ZNF571: variants seen among roughly 807,000 people sequenced by gnomAD.
ZNF571 encodes the protein zinc finger protein 571.
ZNF571 carries 4 observed loss-of-function variants against 7.7 expected under a neutral mutation model. That is an observed-to-expected ratio of 0.52 (90% confidence interval 0.25 to 1.18). The LOEUF (loss-of-function observed/expected upper bound fraction) is 1.18, where lower values mean the gene tolerates loss of function less well. Among genes scored for constraint, ZNF571 ranks in the 50% most tolerant of loss-of-function variants. ZNF571 has a pLI of 0.14. For missense variants in ZNF571, 704 were observed against 726.9 expected, an observed-to-expected ratio of 0.97 and a Z score of 0.36; for synonymous variants, 251 against 232.4, an observed-to-expected ratio of 1.08 and a Z score of -0.73.
chr19:37,593,571 C>A (rs1157725901), intron 1 of ZNF571, among the ~76,000 whole-genome samples: 1 of 152,022 alleles, frequency 6.6e-6, no homozygotes, highest in East Asian at 1.9e-4. Flanking sequence ...GGCATGGTGG[C>A]GGGCGCCTGT....
Position 37,565,507 on chromosome 19 carries a change from A to T in ZNF571, c.921T>A (p.Tyr307Ter). The T allele has an allele frequency of 1.9e-6, 3 of 1,613,828 alleles. No individual in the cohort carries two copies. Among genetic ancestry groups the T allele is most frequent in the Non-Finnish European group, 2.5e-6 (3 of 1,179,876 alleles). ...HQRIHSGEKP[Y>*]ECKECGKAFI... ...AGGCCTTTCCACATTCCTTACACTC[A>T]TAAGGTTTCTCACCACTATGAATTC... Residue 307 changes from tyrosine to a stop codon, truncating the protein, a stop_gained, in exon 4 of 4, where the codon TAT (tyrosine) becomes TAA (stop). Coordinates refer to ENST00000451802, the MANE Select transcript of ZNF571 (RefSeq NM_016536.5). LOFTEE classifies it low-confidence loss of function (END_TRUNC).
At position 37,564,562 on chromosome 19, in the gene ZNF571, A is replaced by G; in HGVS notation, c.*36T>C. On this transcript the variant is annotated 3_prime_UTR_variant, in exon 4 of 4. Coordinates refer to ENST00000451802, the MANE Select transcript of ZNF571 (RefSeq NM_016536.5). Reference sequence around the variant, plus strand: ...ATTCATTATAGATATGAAATAGATGAAGATTTTCTTAAATTTAATCACATT... The same window carrying G: ...ATTCATTATAGATATGAAATAGATGGAGATTTTCTTAAATTTAATCACATT... 1.4e-6 allele frequency: 2 copies of G among 1,454,194 alleles called. No homozygotes were observed. Among genetic ancestry groups the G allele is most frequent in the South Asian group, 3.4e-5 (2 of 59,222 alleles). 90.1% of individuals were successfully genotyped at this position (1,454,194 alleles called of 1,614,324 possible).
intron 1 of ZNF571, among the ~76,000 whole-genome samples, chr19:37,591,248 C>T (rs998553274): frequency 5.9e-5 from 9 of 152,100 alleles, no homozygotes; most frequent in African/African-American, 1.9e-4. Flanking sequence ...AGGGCTGGCA[C>T]AGGAAATGTA....
intron 2 of ZNF571, among the ~76,000 whole-genome samples, chr19:37,584,452 G>GT (rs2043590087): frequency 1.3e-5 from 2 of 152,152 alleles, no homozygotes; most frequent in South Asian, 4.1e-4. Flanking sequence ...ATTAATACAA[G>GT]TTCTTGCTCT....
chr19:37,577,647 G>A (rs2043288848), intron 3 of ZNF571, among the ~76,000 whole-genome samples: 1 of 152,186 alleles, frequency 6.6e-6, no homozygotes, highest in Admixed American at 6.5e-5. Context: ...GCAAAATAGT[G>A]AGAAGATCCA....
chr19:37,568,745 T>G (rs1194119688), intron 3 of ZNF571, among the ~76,000 whole-genome samples: 1 of 152,092 alleles, frequency 6.6e-6, no homozygotes, highest in Non-Finnish European at 1.5e-5. Context: ...TTATTGTCAT[T>G]AAATTAATGA....
chr19:37,586,926 G>A (rs1211050314), intron 1 of ZNF571, 181 bp from the exon 2 acceptor site: 3 of 536,812 alleles, frequency 5.6e-6, no homozygotes, highest in Non-Finnish European at 9.8e-6. Flanking sequence ...TAATGTCCAT[G>A]TTGAACAGGA....
Position 37,564,854 on chromosome 19 carries a change from C to T in ZNF571, c.1574G>A (p.Arg525Lys). Residue 525 changes from arginine to lysine, a missense_variant, in exon 4 of 4, where the codon AGA becomes AAA. Transcript: ENST00000451802. ...SQLSEHQRIH[R>K]GEKPYECKQC... ...TTTACATTCATAAGGTTTTTCACCT[C>T]TGTGAATTCTCTGATGTTCACTAAG... The T allele has an allele frequency of 6.2e-7, 1 of 1,614,020 alleles. No homozygotes were observed. Among genetic ancestry groups the T allele is most frequent in the Non-Finnish European group, 8.5e-7 (1 of 1,179,944 alleles).
chr19:37,593,173 T>G (rs2043917621), intron 1 of ZNF571, among the ~76,000 whole-genome samples: 1 of 152,180 alleles, frequency 6.6e-6, no homozygotes, highest in South Asian at 2.1e-4. Flanking sequence ...TTTTAAAATA[T>G]AATGTCCTTT....
At chr19:37,589,057 G>A (rs1267940670) in intron 1 of ZNF571, among the ~76,000 whole-genome samples, 1 of 151,964 alleles carries the variant, frequency 6.6e-6, no homozygotes, top group Non-Finnish European at 1.5e-5. Flanking sequence ...AAAATTAGCT[G>A]GGTGTGGTGG....
chr19:37,566,245 T>C lies in ZNF571; in HGVS notation c.183A>G (p.Glu61=). ...CVTKKLSPEK[E]IYEMESLQWE... Reference sequence around the variant, plus strand: ...ACTGGAGTGATTCCATTTCATAAATTTCCTTTTCTGGAGATAACTTTTTGG... The same window carrying C: ...ACTGGAGTGATTCCATTTCATAAATCTCCTTTTCTGGAGATAACTTTTTGG... Residue 61 remains glutamate (E), a synonymous_variant, in exon 4 of 4, where the codon GAA becomes GAG. Coordinates refer to ENST00000451802, the MANE Select transcript of ZNF571 (RefSeq NM_016536.5). 6.2e-7 allele frequency: 1 copy of C among 1,613,578 alleles called. No individual in the cohort carries two copies. The highest frequency in any genetic ancestry group is 8.5e-7 in the Non-Finnish European group (1 of 1,179,782).
In ZNF571 at chr19:37,569,506, T is replaced by TA. The variant is rs1338228554; in HGVS notation, c.137-3216dup. On this transcript the variant is annotated intron_variant, in intron 3 of 3. Coordinates refer to ENST00000451802, the MANE Select transcript of ZNF571 (RefSeq NM_016536.5). The surrounding 1 kb of genome is among the most constrained non-coding windows in gnomAD (Gnocchi z 4.4). Reference sequence around the variant, plus strand: ...ATGACTGAGTACACACACTCAAACATAAAACAAGGATGTCATAAAATTATC... The same window carrying TA: ...ATGACTGAGTACACACACTCAAACATAAAAACAAGGATGTCATAAAATTATC... Among the ~76,000 whole-genome samples, 1 of 152,172 alleles carries TA rather than the reference T, an allele frequency of 6.6e-6. No homozygotes were observed. Among genetic ancestry groups the TA allele is most frequent in the African/African-American group, 2.4e-5 (1 of 41,444 alleles).
At chr19:37,566,615 C>T (rs549919233) in intron 3 of ZNF571, 64 of 208,528 alleles carry the variant, frequency 3.1e-4, no homozygotes, top group Non-Finnish European at 5.7e-4. Flanking sequence ...GACATACAAT[C>T]TATCAACAAA....
At chr19:37,586,577 C>A in intron 2 of ZNF571, 91 bp downstream of exon 2, 1 of 1,522,192 alleles carries the variant, frequency 6.6e-7, no homozygotes, top group Non-Finnish European at 9.1e-7. Flanking sequence ...CTTAAGGAAC[C>A]AAACAAGGCA....
At chr19:37,587,565 T>C (rs541458527) in intron 1 of ZNF571, among the ~76,000 whole-genome samples, 1 of 151,476 alleles carries the variant, frequency 6.6e-6, no homozygotes, top group East Asian at 1.9e-4. Flanking sequence ...TAGAGCCACC[T>C]ACTTGCCATA....
At chr19:37,566,671 T>C (rs1568343066) in intron 3 of ZNF571, among the ~76,000 whole-genome samples, 1 of 152,144 alleles carries the variant, frequency 6.6e-6, no homozygotes, top group Non-Finnish European at 1.5e-5. Flanking sequence ...CCACCTCTAC[T>C]ACCACCATCC....
At position 37,565,311 on chromosome 19, in the gene ZNF571, A is replaced by G. The variant is rs749683711; in HGVS notation, c.1117T>C (p.Phe373Leu). 21 of 1,610,328 alleles carry G rather than the reference A, an allele frequency of 1.3e-5. No homozygotes were observed. The highest frequency in any genetic ancestry group is 4.5e-5 in the East Asian group (2 of 44,780). ...TGGTAAGTAAGTTGTGAGCCACGAA[A>G]AAAGGTCTTCCCGCATTCTTTACAT... ...YECKECGKTF[F>L]RGSQLTYHLR... is the part of the protein sequence containing the mutation. Residue 373 changes from phenylalanine to leucine, a missense_variant, in exon 4 of 4, where the codon TTT (phenylalanine) becomes CTT (leucine). Phe to Leu is a conservative substitution (Grantham distance 22). Transcript: ENST00000451802.
At chr19:37,586,799 A>G in intron 1 of ZNF571, 54 bp from the exon 2 acceptor site, 1 of 1,042,616 alleles carries the variant, frequency 9.6e-7, no homozygotes, top group Non-Finnish European at 1.5e-6. Flanking sequence ...CCCACAAAAT[A>G]AACTACTTAG....
chr19:37,570,514 A>C (rs1465275554), intron 3 of ZNF571, among the ~76,000 whole-genome samples: 1 of 152,204 alleles, frequency 6.6e-6, no homozygotes, highest in Non-Finnish European at 1.5e-5. Flanking sequence ...TTTTTCTACA[A>C]ATATTCCTAA....
Sources: gnomAD v4.1 joint callset for allele counts (sites outside exome capture counted in the v4.1 genomes callset) on GRCh38, gnomAD v4.1.1 for gene constraint, Gnocchi (gnomAD v3.1) non-coding constraint, MANE v1.5 for transcripts, NCBI Gene and HGNC (gene_info 2026-07-23, HGNC 2026-07-21) for gene names.